PDLIM5: variants seen among roughly 807,000 people sequenced by gnomAD.
PDLIM5 encodes PDZ and LIM domain protein 5.
A neutral mutation model predicts 64.2 loss-of-function variants in PDLIM5; 34 were observed. The observed-to-expected ratio is 0.53, with a 90% confidence interval of 0.40 to 0.71. The LOEUF is 0.71. PDLIM5 is among the 30% of genes least tolerant of loss of function. The probability of loss-of-function intolerance (pLI) is 0.00; values close to 1 mark genes in which losing one functional copy is unlikely to be tolerated. For synonymous variants in PDLIM5, 253 were observed against 269.1 expected (o/e 0.94, Z 0.59); for missense variants, 683 against 733.6 (o/e 0.93, Z 0.80).
chr4:94,573,199 G>A (rs1734952740), intron 3 of PDLIM5, 152 bp from the exon 4 acceptor site: 3 of 632,340 alleles, frequency 4.7e-6, no homozygotes, highest in Admixed American at 2.9e-5. Context: ...TTAGAAGATT[G>A]TGAATAGTAA....
chr4:94,566,731 T>C (rs555653602), intron 3 of PDLIM5, among the ~76,000 whole-genome samples: 1 of 152,228 alleles, frequency 6.6e-6, no homozygotes, highest in Non-Finnish European at 1.5e-5. Flanking sequence ...GCGGGAACTC[T>C]GTCTCTTTAG....
chr4:94,490,012 C>G (rs1726717731), intron 2 of PDLIM5, among the ~76,000 whole-genome samples: 1 of 151,536 alleles, frequency 6.6e-6, no homozygotes, highest in African/African-American at 2.4e-5. Flanking sequence ...AGAATTTCTA[C>G]TGATATTGTA....
chr4:94,644,654 G>T (rs1031928618), intron 9 of PDLIM5, among the ~76,000 whole-genome samples: 2 of 151,586 alleles, frequency 1.3e-5, no homozygotes, highest in African/African-American at 4.8e-5. Context: ...CAATTCTCCT[G>T]CCTCAGCCTC....
intron 9 of PDLIM5, among the ~76,000 whole-genome samples, chr4:94,642,334 TC>T (rs1345634921): frequency 6.6e-6 from 1 of 152,184 alleles, no homozygotes; most frequent in Admixed American, 6.5e-5. Flanking sequence ...AATCACCACT[TC>T]CGGCACTTCT....
intron 8 of PDLIM5, among the ~76,000 whole-genome samples, chr4:94,631,802 C>T (rs1250115693): frequency 2.0e-5 from 3 of 152,208 alleles, no homozygotes; most frequent in Non-Finnish European, 2.9e-5. Flanking sequence ...TCCTGCCTCT[C>T]TGTCAGTCCC....
At chr4:94,662,115 G>A (rs1742778802) in intron 11 of PDLIM5, among the ~76,000 whole-genome samples, 1 of 152,016 alleles carries the variant, frequency 6.6e-6, no homozygotes, top group African/African-American at 2.4e-5. Context: ...AACCGCGCCC[G>A]GCCAGAACAG....
chr4:94,496,487 A>G (rs1404021635), intron 2 of PDLIM5, among the ~76,000 whole-genome samples: 1 of 152,042 alleles, frequency 6.6e-6, no homozygotes, highest in African/African-American at 2.4e-5. Flanking sequence ...TTATTTATTT[A>G]TTTGTTTATT....
intron 2 of PDLIM5, among the ~76,000 whole-genome samples, chr4:94,502,388 A>G (rs1463486471): frequency 6.6e-6 from 1 of 152,178 alleles, no homozygotes; most frequent in Non-Finnish European, 1.5e-5. Flanking sequence ...GAGGATGGCA[A>G]TGATGTGTAG....
intron 3 of PDLIM5, among the ~76,000 whole-genome samples, chr4:94,536,375 T>C (rs1265207999): frequency 6.6e-6 from 1 of 152,190 alleles, no homozygotes; most frequent in Non-Finnish European, 1.5e-5. Flanking sequence ...ACCTTTATTG[T>C]CATTTTAAAA....
chr4:94,531,730 A>T (rs993341087), intron 3 of PDLIM5, among the ~76,000 whole-genome samples: 1 of 152,138 alleles, frequency 6.6e-6, no homozygotes, highest in Non-Finnish European at 1.5e-5. Context: ...CAAAGGACTT[A>T]ATGACTAGTC....
chr4:94,607,465 C>T (rs1738018334), intron 7 of PDLIM5, among the ~76,000 whole-genome samples: 1 of 152,060 alleles, frequency 6.6e-6, no homozygotes, highest in Non-Finnish European at 1.5e-5. Flanking sequence ...GTAAAGAATA[C>T]TCAAAACCCT....
At chr4:94,558,746 T>A (rs555339049) in intron 3 of PDLIM5, among the ~76,000 whole-genome samples, 2 of 152,018 alleles carry the variant, frequency 1.3e-5, no homozygotes, top group African/African-American at 4.8e-5. Context: ...TTTTTTATTC[T>A]AGCTGAAATA....
rs1742955379 is a variant in PDLIM5, at chr4:94,664,262, A to G, written c.*195A>G. 4.8e-6 allele frequency: 5 copies of G among 1,037,382 alleles called. No homozygotes were observed. The highest frequency in any genetic ancestry group is 4.2e-5 in the East Asian group (1 of 23,618). 64.3% of individuals were successfully genotyped at this position (1,037,382 alleles called of 1,614,324 possible). A position where few individuals can be genotyped will look rare whatever the true frequency, so the allele number is the denominator to read the frequency against. ...AAAGTAAAGAGACGGTTTGGCATTT[A>G]TTATTACTTTTTCCTGTATTTTATG... On this transcript the variant is annotated 3_prime_UTR_variant, in exon 13 of 13. Transcript: ENST00000317968.
At chr4:94,511,707 C>T (rs1478351310) in intron 2 of PDLIM5, among the ~76,000 whole-genome samples, 6 of 151,982 alleles carry the variant, frequency 3.9e-5, no homozygotes, top group East Asian at 1.9e-4. Flanking sequence ...TTTTTGGTCC[C>T]GCAGATAAGT....
At chr4:94,496,069 C>A (rs1219251124) in intron 2 of PDLIM5, among the ~76,000 whole-genome samples, 17 of 147,782 alleles carry the variant, frequency 1.2e-4, no homozygotes, top group Non-Finnish European at 1.8e-4. Context: ...AAAAAAAAAA[C>A]CAAAAAACAA....
chr4:94,654,444 C>T lies in PDLIM5; in HGVS notation c.1284-16C>T. The T allele has an allele frequency of 6.4e-7, 1 of 1,570,962 alleles. No individual in the cohort carries two copies. The highest frequency in any genetic ancestry group is 1.4e-5 in the African/African-American group (1 of 74,058). On this transcript the variant is annotated splice_polypyrimidine_tract_variant and intron_variant, in intron 9 of 12. Coordinates refer to ENST00000317968, the MANE Select transcript of PDLIM5 (RefSeq NM_006457.5). ...TTTTATTCTCAAACTTAGTTGGCCT[C>T]TTTTTCTTCTGTCAGAGGACCATTC...
intron 3 of PDLIM5, among the ~76,000 whole-genome samples, chr4:94,525,921 G>A (rs143664069): frequency 1.6e-3 from 243 of 152,246 alleles, no homozygotes; most frequent in Non-Finnish European, 2.7e-3. Flanking sequence ...TCTATATTGA[G>A]ACATGTAACA....
At chr4:94,514,239 A>G (rs1177030329) in intron 2 of PDLIM5, among the ~76,000 whole-genome samples, 1 of 146,910 alleles carries the variant, frequency 6.8e-6, no homozygotes, top group Non-Finnish European at 1.5e-5. Context: ...GGTTCATGCC[A>G]TTCTCCTCTC....
At chr4:94,650,270 T>G (rs1213491796) in intron 9 of PDLIM5, among the ~76,000 whole-genome samples, 1 of 152,198 alleles carries the variant, frequency 6.6e-6, no homozygotes, top group Admixed American at 6.5e-5. Flanking sequence ...CTTGTTCCTA[T>G]TTCACTCTAT....
Sources: allele counts gnomAD v4.1 joint callset (sites outside exome capture counted in the v4.1 genomes callset), GRCh38; gene constraint gnomAD v4.1.1; transcripts MANE v1.5; gene names NCBI Gene and HGNC (gene_info 2026-07-23, HGNC 2026-07-21).